Variants in CMIP observed in about 807,000 individuals in gnomAD.
CMIP encodes the protein c-Maf inducing protein.
A neutral mutation model predicts 97.3 loss-of-function variants in CMIP; 13 were observed. The ratio of observed to expected loss-of-function variants is 0.13; its 90% CI spans 0.09 to 0.21. The LOEUF is 0.21. Among genes scored for constraint, CMIP ranks in the 10% least tolerant of loss-of-function variants. The pLI is 1.00. For synonymous variants in CMIP, 538 were observed against 436.3 expected, an observed-to-expected ratio of 1.23 and a Z score of -2.91; for missense variants, 847 against 1,024.9, an observed-to-expected ratio of 0.83 and a Z score of 2.37.
Position 81,652,145 on chromosome 16 carries a change from A to C in CMIP, c.478-58A>C. ...CCATCTGATTCTTTGATTGTCTTCCATCTTCTGCCTTCCTTACGTGAGTAA... is the reference window on the plus strand; with the variant it reads ...CCATCTGATTCTTTGATTGTCTTCCCTCTTCTGCCTTCCTTACGTGAGTAA... On this transcript the variant is annotated intron_variant, in intron 3 of 20. Transcript: ENST00000537098. The surrounding 1 kb of genome is among the most constrained non-coding windows in gnomAD (Gnocchi z 5.2). The C allele has an allele frequency of 7.1e-7, 1 of 1,402,612 alleles. No individual in the cohort carries two copies. Among genetic ancestry groups the C allele is most frequent in the Non-Finnish European group, 1.0e-6 (1 of 996,186 alleles). 86.9% of individuals were successfully genotyped at this position (1,402,612 alleles called of 1,614,324 possible). A position where few individuals can be genotyped will look rare whatever the true frequency, so the allele number is the denominator to read the frequency against.
intron 1 of CMIP, among the ~76,000 whole-genome samples, chr16:81,479,330 C>T (rs923473235): frequency 6.6e-6 from 1 of 152,066 alleles, no homozygotes; most frequent in African/African-American, 2.4e-5. Context: ...AGCATGTGAC[C>T]TTTTTTTAAA....
intron 1 of CMIP, among the ~76,000 whole-genome samples, chr16:81,577,950 C>T (rs988141021): frequency 3.9e-5 from 6 of 151,914 alleles, no homozygotes; most frequent in Admixed American, 2.6e-4. Context: ...TCACCACCAT[C>T]ATCCCCATTA....
chr16:81,567,157 C>T lies in CMIP; in HGVS notation c.301-40410C>T, dbSNP rs76671695. 7.7e-3 allele frequency among the ~76,000 whole-genome samples: 1,177 copies of T among 152,354 alleles called. 13 individuals are homozygous for T. Among genetic ancestry groups the T allele is most frequent in the Middle Eastern group, 0.027 (8 of 294 alleles). On this transcript the variant is annotated intron_variant, in intron 1 of 20. Coordinates refer to ENST00000537098, the MANE Select transcript of CMIP (RefSeq NM_198390.3). ...TTTCTGTGGATGCTCACTGGGTCTT[C>T]GGAGCCATGTGTCCGGCTGGGAGGA...
At chr16:81,687,286 G>T (rs1051889944) in intron 10 of CMIP, among the ~76,000 whole-genome samples, 1 of 152,186 alleles carries the variant, frequency 6.6e-6, no homozygotes, top group Non-Finnish European at 1.5e-5. Context: ...GGGGTGGTCC[G>T]AGGCAAGATG....
At chr16:81,597,196 C>T (rs1207429266) in intron 1 of CMIP, among the ~76,000 whole-genome samples, 3 of 152,182 alleles carry the variant, frequency 2.0e-5, no homozygotes, top group Non-Finnish European at 4.4e-5. Context: ...TGTTCAGCTT[C>T]AGCAGAGCTG....
Position 81,699,740 on chromosome 16 carries a change from C to T in CMIP, c.1694C>T (p.Ala565Val). Residue 565 changes from alanine to valine, a missense_variant, in exon 15 of 21, where the codon GCA (alanine) becomes GTA (valine). Around this residue, in one of 4 missense-constraint regions of CMIP, gnomAD observed 266 missense variants for 384.2 expected, o/e 0.69. Transcript: ENST00000537098. Reference protein sequence around the residue: ...YKTKKFLLSLAENKLGPCMLL... With the variant: ...YKTKKFLLSLVENKLGPCMLL... ...ACCAAAAAATTCCTGCTCTCCCTGG[C>T]AGAAAACAAGCTGGGTCCCTGCATG... 1 of 1,613,760 alleles carries T rather than the reference C, an allele frequency of 6.2e-7. No individual in the cohort carries two copies. Among genetic ancestry groups the T allele is most frequent in the Non-Finnish European group, 8.5e-7 (1 of 1,179,766 alleles).
In CMIP at chr16:81,696,622, C is replaced by T. The variant is rs763239156; in HGVS notation, c.1593C>T (p.Pro531=). ...GKDGWFQLYS[P]GGVACDDDGE... ...ATGGCTGGTTCCAGCTCTACAGCCC[C>T]GGAGGGGTGGCCTGCGACGATGACG... is the stretch of plus-strand genomic sequence containing the variant. The change falls in exon 14 of 21, where the codon CCC becomes CCT. Residue 531 remains proline, a synonymous_variant. Coordinates refer to ENST00000537098, the MANE Select transcript of CMIP (RefSeq NM_198390.3). 26 of 1,607,196 alleles carry T rather than the reference C, an allele frequency of 1.6e-5. No homozygotes were observed. The highest frequency in any genetic ancestry group is 8.9e-5 in the East Asian group (4 of 44,896).
chr16:81,481,588 G>A (rs1280415514), intron 1 of CMIP, among the ~76,000 whole-genome samples: 1 of 152,220 alleles, frequency 6.6e-6, no homozygotes, highest in Non-Finnish European at 1.5e-5. Context: ...TTCAACTGAG[G>A]TCTTGGGGGG....
At chr16:81,471,285 G>T (rs897623369) in intron 1 of CMIP, among the ~76,000 whole-genome samples, 2 of 151,864 alleles carry the variant, frequency 1.3e-5, no homozygotes, top group Admixed American at 6.6e-5. Flanking sequence ...GTACACACAG[G>T]CACAATATAT....
In CMIP at chr16:81,627,100, T is replaced by G. The variant is rs189310014; in HGVS notation, c.477+6174T>G. 2.1e-4 allele frequency among the ~76,000 whole-genome samples: 30 copies of G among 141,932 alleles called. No homozygotes were observed. The highest frequency in any genetic ancestry group is 6.9e-4 in the African/African-American group (26 of 37,502). 93.1% of individuals were successfully genotyped at this position (141,932 alleles called of 152,430 possible). On this transcript the variant is annotated intron_variant, in intron 3 of 20. Coordinates refer to ENST00000537098, the MANE Select transcript of CMIP (RefSeq NM_198390.3). The surrounding 1 kb of genome is among the most constrained non-coding windows in gnomAD (Gnocchi z 4.6). The stretch of plus-strand genomic sequence containing the variant: ...TGTATGTGTGGTGTGTGGGGGTGAC[T>G]GTGAGAGTGTGTGTGTGGTGTGTGT...
intron 10 of CMIP, among the ~76,000 whole-genome samples, chr16:81,686,909 C>T (rs757341938): frequency 1.3e-5 from 2 of 152,136 alleles, no homozygotes; most frequent in Admixed American, 6.6e-5. Context: ...CTGCCCAGCC[C>T]GGGTCTGAGC....
intron 3 of CMIP, among the ~76,000 whole-genome samples, chr16:81,649,218 C>T (rs1052396690): frequency 1.3e-5 from 2 of 152,264 alleles, no homozygotes; most frequent in Non-Finnish European, 2.9e-5. Flanking sequence ...CTGGGATCTT[C>T]TGGCTCTGAA....
In CMIP at chr16:81,614,794, C is replaced by T. The variant is rs371798167; in HGVS notation, c.427-6082C>T. ...TGTGTGGTATGTGTGCATGTGTGTG[C>T]CTGATATGTGTGTTTATATGTGGTA... On this transcript the variant is annotated intron_variant, in intron 2 of 20. Transcript: ENST00000537098. This position sits in a 1 kb window ranked among gnomAD's most constrained non-coding sequence, Gnocchi z 5.3. Among the ~76,000 whole-genome samples the T allele has an allele frequency of 5.1e-4, 73 of 141,976 alleles. 1 individual carries two copies. The East Asian group carries it at 0.015, about 30-fold the overall frequency. 93.1% of individuals were successfully genotyped at this position (141,976 alleles called of 152,430 possible).
chr16:81,561,555 G>T (rs957027266), intron 1 of CMIP, among the ~76,000 whole-genome samples: 2 of 152,150 alleles, frequency 1.3e-5, no homozygotes, highest in Admixed American at 6.5e-5. Flanking sequence ...GGAAGAGGGT[G>T]GCAGGGGCTG....
chr16:81,527,832 G>A (rs1338044722), intron 1 of CMIP, among the ~76,000 whole-genome samples: 2 of 152,282 alleles, frequency 1.3e-5, no homozygotes, highest in African/African-American at 2.4e-5. Flanking sequence ...TTCTACTGAC[G>A]GTGGGCATTC....
chr16:81,652,104 C>T lies in CMIP; in HGVS notation c.478-99C>T. ...GGGCCAAGTTGTCAGTTTCTCAGGG[C>T]CCTTTACACCCTAACCCATCTGATT... On this transcript the variant is annotated intron_variant, in intron 3 of 20. Coordinates refer to ENST00000537098, the MANE Select transcript of CMIP (RefSeq NM_198390.3). This position sits in a 1 kb window ranked among gnomAD's most constrained non-coding sequence, Gnocchi z 5.2. 2 of 906,720 alleles carry T rather than the reference C, an allele frequency of 2.2e-6. No homozygotes were observed. The highest frequency in any genetic ancestry group is 3.4e-6 in the Non-Finnish European group (2 of 588,196). The allele number at this position is 906,720 out of a possible 1,614,324, so 56.2% of individuals were successfully genotyped here.
chr16:81,648,375 C>G (rs942195978), intron 3 of CMIP, among the ~76,000 whole-genome samples: 1 of 152,082 alleles, frequency 6.6e-6, no homozygotes, highest in African/African-American at 2.4e-5. Flanking sequence ...TGGCCACCCC[C>G]TCAGCATCGC....
intron 7 of CMIP, chr16:81,664,641 A>G: frequency 1.7e-6 from 1 of 572,952 alleles, no homozygotes; most frequent in Non-Finnish European, 3.1e-6. Flanking sequence ...ATGTCTGTAG[A>G]TGCCCTGCCC....
rs1166061714 is a variant in CMIP, at chr16:81,579,698, T to TA, written c.301-27862dup. ...AGGGACTCTGGGCAAAGATTTCATG[T>TA]AAAAAAAGAGTTCTGCCACTTAAAA... On this transcript the variant is annotated intron_variant, in intron 1 of 20. Coordinates refer to ENST00000537098, the MANE Select transcript of CMIP (RefSeq NM_198390.3). Among the ~76,000 whole-genome samples the TA allele has an allele frequency of 4.1e-5, 6 of 146,296 alleles. No individual in the cohort carries two copies. The East Asian group carries it at 1.2e-3, about 29-fold the overall frequency.
Sources: allele counts gnomAD v4.1 joint callset (sites outside exome capture counted in the v4.1 genomes callset), GRCh38; gene constraint gnomAD v4.1.1; regional missense constraint gnomAD v4.1.1; non-coding constraint Gnocchi (gnomAD v3.1); transcripts MANE v1.5; gene names NCBI Gene and HGNC (gene_info 2026-07-23, HGNC 2026-07-21).